TRAPPC9: variants seen among roughly 807,000 people sequenced by gnomAD.
The protein encoded by TRAPPC9 is IKK2 binding protein.
Under a neutral mutation model 124.0 loss-of-function variants are expected in TRAPPC9, and 83 were observed. The ratio of observed to expected loss-of-function variants is 0.67; its 90% CI spans 0.56 to 0.80. The LOEUF (loss-of-function observed/expected upper bound fraction) is 0.80. TRAPPC9 is among the 30% of genes least tolerant of loss of function. The probability of loss-of-function intolerance (pLI) is 0.00; values close to 1 mark genes in which losing one functional copy is unlikely to be tolerated. For missense variants in TRAPPC9, 1,302 were observed against 1,508.3 expected (o/e 0.86, Z 2.27); for synonymous variants, 638 against 617.5 (o/e 1.03, Z -0.49).
intron 21 of TRAPPC9, among the ~76,000 whole-genome samples, chr8:139,751,733 C>T (rs906376930): frequency 6.6e-6 from 1 of 151,536 alleles, no homozygotes; most frequent in Admixed American, 6.6e-5. Flanking sequence ...CATCCAGCAT[C>T]CATCCATCCA....
chr8:139,809,936 G>A (rs949902002), intron 21 of TRAPPC9, among the ~76,000 whole-genome samples: 1 of 152,096 alleles, frequency 6.6e-6, no homozygotes, highest in Non-Finnish European at 1.5e-5. Flanking sequence ...TGACTCCTGT[G>A]TGCGCTGAAA....
intron 19 of TRAPPC9, among the ~76,000 whole-genome samples, chr8:139,930,889 C>T (rs1042335434): frequency 1.4e-4 from 21 of 152,274 alleles, no homozygotes; most frequent in Middle Eastern, 3.4e-3. Context: ...GCTCAGTGTA[C>T]GCTGGACACC....
intron 15 of TRAPPC9, among the ~76,000 whole-genome samples, chr8:140,272,609 T>C (rs1293587896): frequency 3.9e-5 from 6 of 152,094 alleles, no homozygotes; most frequent in Non-Finnish European, 8.8e-5. Flanking sequence ...AGGTTTTATT[T>C]GGGCCCATAG....
At chr8:140,331,041 G>A (rs920063809) in intron 9 of TRAPPC9, among the ~76,000 whole-genome samples, 4 of 151,696 alleles carry the variant, frequency 2.6e-5, no homozygotes, top group Non-Finnish European at 4.4e-5. Flanking sequence ...AACAAAGCAG[G>A]AGGCATCACA....
At position 140,345,977 on chromosome 8, in the gene TRAPPC9, G is replaced by T. The variant is rs2067337933; in HGVS notation, c.1495+14073C>A. ...AGACAGCAGCTGAAGACCCAGGGAA[G>T]GCTGGACACAGCCCTGGGGTTGGGG... is the stretch of plus-strand genomic sequence containing the variant. On this transcript the variant is annotated intron_variant, in intron 9 of 22. Transcript: ENST00000438773. Among the ~76,000 whole-genome samples, 3 of 152,230 alleles carry T rather than the reference G, an allele frequency of 2.0e-5. No homozygotes were observed. In the South Asian group the frequency reaches 6.2e-4, roughly 32 times the overall value.
intron 16 of TRAPPC9, among the ~76,000 whole-genome samples, chr8:140,235,117 G>A (rs867014117): frequency 3.9e-5 from 6 of 152,136 alleles, no homozygotes; most frequent in Middle Eastern, 3.4e-3. Context: ...GATTACAAGC[G>A]CCTGCCACCA....
intron 16 of TRAPPC9, among the ~76,000 whole-genome samples, chr8:140,244,572 G>A (rs1456967965): frequency 6.6e-6 from 1 of 152,176 alleles, no homozygotes; most frequent in Non-Finnish European, 1.5e-5. Context: ...CAGTTTTCAT[G>A]TGACACATCA....
chr8:139,963,109 C>A (rs1331657896), intron 19 of TRAPPC9, among the ~76,000 whole-genome samples: 1 of 152,196 alleles, frequency 6.6e-6, no homozygotes, highest in Non-Finnish European at 1.5e-5. Flanking sequence ...TCATTAAAGA[C>A]TACATGATAT....
chr8:139,999,426 A>C (rs1350478276), intron 18 of TRAPPC9, among the ~76,000 whole-genome samples: 1 of 152,220 alleles, frequency 6.6e-6, no homozygotes, highest in Non-Finnish European at 1.5e-5. Context: ...ATAGAGTTTC[A>C]AAATACATGA....
rs530931459 is a variant in TRAPPC9, at chr8:139,763,280, C to T, written c.3056-31078G>A. ...TGTGGGGATTAAAACGTGGCTCTGG[C>T]GAATATAAAGCTCATGATCTTTCAC... is the stretch of plus-strand genomic sequence containing the variant. On this transcript the variant is annotated intron_variant, in intron 21 of 22. Coordinates refer to ENST00000438773, the MANE Select transcript of TRAPPC9 (RefSeq NM_001160372.4). Among the ~76,000 whole-genome samples, 29 of 152,246 alleles carry T rather than the reference C, an allele frequency of 1.9e-4. No individual in the cohort carries two copies. In the East Asian group the frequency reaches 3.1e-3, roughly 16 times the overall value.
intron 19 of TRAPPC9, among the ~76,000 whole-genome samples, chr8:139,971,952 G>T (rs1474877130): frequency 1.3e-5 from 2 of 151,896 alleles, no homozygotes; most frequent in Non-Finnish European, 2.9e-5. Flanking sequence ...CTCTCAAGTT[G>T]CTGGGACTAC....
intron 5 of TRAPPC9, among the ~76,000 whole-genome samples, chr8:140,409,500 C>A (rs6578102): frequency 1.3e-5 from 2 of 152,050 alleles, no homozygotes; most frequent in Non-Finnish European, 1.5e-5. Flanking sequence ...CATACCTATG[C>A]AATGTGATTT....
At chr8:140,333,621 C>T (rs1173968616) in intron 9 of TRAPPC9, among the ~76,000 whole-genome samples, 1 of 152,206 alleles carries the variant, frequency 6.6e-6, no homozygotes, top group African/African-American at 2.4e-5. Context: ...AAACTCCTGA[C>T]CTCAGGTGAT....
chr8:140,285,238 A>G (rs2065450332), intron 13 of TRAPPC9, among the ~76,000 whole-genome samples: 1 of 152,290 alleles, frequency 6.6e-6, no homozygotes, highest in East Asian at 1.9e-4. Flanking sequence ...AACTGTGAAC[A>G]CACTAGTTAC....
chr8:139,844,452 T>C (rs1464882472), intron 21 of TRAPPC9, among the ~76,000 whole-genome samples: 2 of 152,250 alleles, frequency 1.3e-5, no homozygotes, highest in African/African-American at 4.8e-5. Context: ...AAGACGTTCC[T>C]TCCCTGCTCT....
At chr8:140,345,972 G>A (rs1178045519) in intron 9 of TRAPPC9, among the ~76,000 whole-genome samples, 1 of 152,226 alleles carries the variant, frequency 6.6e-6, no homozygotes, top group Non-Finnish European at 1.5e-5. Flanking sequence ...TGAAGACCCA[G>A]GGAAGGCTGG....
Position 139,732,390 on chromosome 8 carries a change from G to A in TRAPPC9, c.3056-188C>T, listed in dbSNP as rs551346317. 9.2e-5 allele frequency among the ~76,000 whole-genome samples: 14 copies of A among 152,368 alleles called. No homozygotes were observed. The East Asian group carries it at 2.7e-3, about 29-fold the overall frequency. On this transcript the variant is annotated intron_variant, in intron 21 of 22. Coordinates refer to ENST00000438773, the MANE Select transcript of TRAPPC9 (RefSeq NM_001160372.4). ...TTCCTGGTCTCCGGAAGAGGAACCT[G>A]GCAAAGACGGGTGTGGTGGCTAGAG...
At chr8:140,340,556 G>A (rs2067166047) in intron 9 of TRAPPC9, among the ~76,000 whole-genome samples, 2 of 152,200 alleles carry the variant, frequency 1.3e-5, no homozygotes, top group South Asian at 4.1e-4. Context: ...CATTCTTTCT[G>A]ATAAATCCTC....
chr8:139,967,223 C>T (rs1835763002), intron 19 of TRAPPC9, among the ~76,000 whole-genome samples: 2 of 152,166 alleles, frequency 1.3e-5, no homozygotes, highest in African/African-American at 4.8e-5. Flanking sequence ...TGGGTCCTTC[C>T]CCTTCACTTT....
Sources: gnomAD v4.1 joint callset for allele counts (sites outside exome capture counted in the v4.1 genomes callset) on GRCh38, gnomAD v4.1.1 for gene constraint, MANE v1.5 for transcripts, NCBI Gene and HGNC (gene_info 2026-07-23, HGNC 2026-07-21) for gene names.